EPSTI1: variants seen among roughly 807,000 people sequenced by gnomAD.
The protein encoded by EPSTI1 is epithelial-stromal interaction protein 1.
EPSTI1 carries 66 observed loss-of-function variants against 49.9 expected under a neutral mutation model. The observed-to-expected ratio is 1.32, with a 90% CI of 1.08 to 1.62. The LOEUF is 1.62. Ranked by LOEUF, EPSTI1 falls within the 40% of genes most tolerant of loss-of-function variation. EPSTI1 has a pLI of 0.00. For missense variants in EPSTI1, 394 were observed against 365.5 expected, an observed-to-expected ratio of 1.08 and a Z score of -0.64; for synonymous variants, 137 against 130.7, an observed-to-expected ratio of 1.05 and a Z score of -0.33.
At chr13:42,938,354 T>C (rs938342399) in intron 6 of EPSTI1, among the ~76,000 whole-genome samples, 2 of 152,146 alleles carry the variant, frequency 1.3e-5, no homozygotes, top group African/African-American at 4.8e-5. Flanking sequence ...AAATATTCAG[T>C]AAACCATGAT....
At chr13:42,921,562 C>T (rs1385870524) in intron 7 of EPSTI1, among the ~76,000 whole-genome samples, 3 of 152,162 alleles carry the variant, frequency 2.0e-5, no homozygotes, top group Admixed American at 6.5e-5. Flanking sequence ...GAGAACCCAA[C>T]ATGGGAAGGC....
intron 6 of EPSTI1, among the ~76,000 whole-genome samples, chr13:42,946,729 G>A (rs2038929764): frequency 6.6e-6 from 1 of 152,160 alleles, no homozygotes; most frequent in Admixed American, 6.5e-5. Context: ...TGTTTCTACA[G>A]TGCTCACCAC....
intron 2 of EPSTI1, 78 bp downstream of exon 2, chr13:42,970,533 TA>T: frequency 1.5e-6 from 2 of 1,328,170 alleles, no homozygotes; most frequent in Non-Finnish European, 1.0e-6. Flanking sequence ...AATGAGAAAA[TA>T]AAAATACTTC....
At chr13:42,908,396 G>C (rs765048020) in intron 8 of EPSTI1, among the ~76,000 whole-genome samples, 4 of 147,892 alleles carry the variant, frequency 2.7e-5, no homozygotes, top group Non-Finnish European at 4.5e-5. Context: ...TGAGTCATGA[G>C]AATTGTTTGA....
intron 8 of EPSTI1, among the ~76,000 whole-genome samples, chr13:42,904,927 G>C (rs999818566): frequency 3.3e-5 from 5 of 152,184 alleles, no homozygotes; most frequent in Non-Finnish European, 7.3e-5. Context: ...CGCTTGAAGT[G>C]TGAATGGGCA....
chr13:42,975,159 A>G (rs61952592), intron 1 of EPSTI1, among the ~76,000 whole-genome samples: 23,547 of 152,234 alleles, frequency 0.15, 2,094 homozygotes, highest in Middle Eastern at 0.24. Flanking sequence ...TGTAAGAATC[A>G]GAAACTTACT....
chr13:42,979,570 G>A (rs1416281913), intron 1 of EPSTI1, among the ~76,000 whole-genome samples: 1 of 132,370 alleles, frequency 7.6e-6, no homozygotes, highest in African/African-American at 3.0e-5. Flanking sequence ...GGGCGACAGA[G>A]GGAGACTCCG....
intron 6 of EPSTI1, among the ~76,000 whole-genome samples, chr13:42,950,550 A>G (rs2039063376): frequency 6.6e-6 from 1 of 152,218 alleles, no homozygotes; most frequent in Non-Finnish European, 1.5e-5. Context: ...CAAGGTGTTA[A>G]GAAAGAGCAC....
chr13:42,909,102 T>TAACAAC (rs1555258919), intron 8 of EPSTI1, among the ~76,000 whole-genome samples: 8 of 150,950 alleles, frequency 5.3e-5, no homozygotes, highest in South Asian at 2.1e-4. Flanking sequence ...TCAAAAATAA[T>TAACAAC]AACAATTTAA....
intron 4 of EPSTI1, 105 bp from the exon 5 acceptor site, chr13:42,963,443 C>G (rs1361224369): frequency 3.7e-6 from 3 of 812,570 alleles, no homozygotes; most frequent in Non-Finnish European, 5.9e-6. Context: ...ATTGTTTGTG[C>G]TATACCTCAC....
At chr13:42,902,693 G>C (rs777364648) in intron 8 of EPSTI1, among the ~76,000 whole-genome samples, 1 of 152,178 alleles carries the variant, frequency 6.6e-6, no homozygotes, top group Middle Eastern at 3.2e-3. Context: ...AATTGCAAAG[G>C]TAGGCAGGCA....
intron 6 of EPSTI1, chr13:42,934,167 G>A (rs1343151786): frequency 1.2e-5 from 2 of 161,102 alleles, no homozygotes; most frequent in Non-Finnish European, 2.8e-5. Flanking sequence ...CTTCTGCCCT[G>A]TCTGCTTCTG....
rs2036921642 is a variant in EPSTI1, at chr13:42,888,310, C to T, written c.*184G>A. Reference sequence around the variant, plus strand: ...GATTAAATATGAGTTCAGGAATCAGCTCCTCCAAACATGCATAAATGAGGA... The same window carrying T: ...GATTAAATATGAGTTCAGGAATCAGTTCCTCCAAACATGCATAAATGAGGA... On this transcript the variant is annotated 3_prime_UTR_variant, in exon 11 of 11. Transcript: ENST00000313624. The T allele has an allele frequency of 1.2e-6, 2 of 1,606,524 alleles. No homozygotes were observed. The highest frequency in any genetic ancestry group is 8.5e-7 in the Non-Finnish European group (1 of 1,175,750).
At chr13:42,923,414 A>C (rs1439837287) in intron 7 of EPSTI1, among the ~76,000 whole-genome samples, 3 of 152,130 alleles carry the variant, frequency 2.0e-5, no homozygotes, top group African/African-American at 7.2e-5. Context: ...TACAAAAGTT[A>C]GCTGGGCGTG....
At chr13:42,920,210 G>A (rs1365031046) in intron 7 of EPSTI1, among the ~76,000 whole-genome samples, 1 of 152,204 alleles carries the variant, frequency 6.6e-6, no homozygotes, top group Non-Finnish European at 1.5e-5. Flanking sequence ...TAAATTTTGA[G>A]AAGTGTGGGT....
intron 6 of EPSTI1, among the ~76,000 whole-genome samples, chr13:42,945,565 G>C (rs1488440634): frequency 6.6e-6 from 1 of 152,226 alleles, no homozygotes; most frequent in African/African-American, 2.4e-5. Flanking sequence ...TGTTTGACCA[G>C]TAGAGTGACA....
intron 8 of EPSTI1, among the ~76,000 whole-genome samples, chr13:42,904,030 G>C (rs1357007825): frequency 6.6e-6 from 1 of 152,118 alleles, no homozygotes; most frequent in Non-Finnish European, 1.5e-5. Flanking sequence ...AGCCAGGCTT[G>C]CATCTACATG....
chr13:42,889,446 C>T (rs972960943), intron 10 of EPSTI1, among the ~76,000 whole-genome samples: 1 of 152,078 alleles, frequency 6.6e-6, no homozygotes, highest in African/African-American at 2.4e-5. Flanking sequence ...CTTTCCATGG[C>T]TTGGTTTTAT....
At chr13:42,973,961 A>G (rs56308643) in intron 1 of EPSTI1, among the ~76,000 whole-genome samples, 47,718 of 152,194 alleles carry the variant, frequency 0.31, 7,677 homozygotes, top group Middle Eastern at 0.5. Context: ...TCCGTGAGAT[A>G]TACTGAGGGA....
Sources: allele counts gnomAD v4.1 joint callset (sites outside exome capture counted in the v4.1 genomes callset), GRCh38; gene constraint gnomAD v4.1.1; transcripts MANE v1.5; gene names NCBI Gene and HGNC (gene_info 2026-07-23, HGNC 2026-07-21).